Variants in AFF2 observed in about 807,000 individuals in gnomAD.
AFF2 encodes AF4/FMR2 family member 2.
In AFF2, 14 loss-of-function variants were observed where a neutral mutation model predicts 76.9. That is an observed-to-expected ratio of 0.18 (90% CI 0.12 to 0.28). The LOEUF (loss-of-function observed/expected upper bound fraction) is 0.28, where lower values mean the gene tolerates loss of function less well. Among genes scored for constraint, AFF2 ranks in the 10% least tolerant of loss-of-function variants. AFF2 has a pLI of 1.00. For synonymous variants in AFF2, 398 were observed against 366.7 expected, an observed-to-expected ratio of 1.09 and a Z score of -0.98; for missense variants, 868 against 1,001.1, an observed-to-expected ratio of 0.87 and a Z score of 1.79.
chrX:148,919,993 A>T (rs1557283020), intron 9 of AFF2, among the ~76,000 whole-genome samples: 1 of 111,787 alleles, frequency 8.9e-6, no homozygotes, highest in Non-Finnish European at 1.9e-5. Context: ...CCTTTGCTCT[A>T]TGTGGCTTCC....
At chrX:148,796,585 A>G (rs193266229) in intron 3 of AFF2, among the ~76,000 whole-genome samples, 66 of 112,090 alleles carry the variant, frequency 5.9e-4, no homozygotes, top group Admixed American at 1.0e-3. Context: ...AATTTCAATG[A>G]CTGTCTAGCG....
intron 3 of AFF2, among the ~76,000 whole-genome samples, chrX:148,805,372 C>T (rs995329064): frequency 9.0e-6 from 1 of 111,357 alleles, no homozygotes; most frequent in Non-Finnish European, 1.9e-5. Context: ...GAAAAAATGA[C>T]CTGTCTTCTC....
At chrX:148,600,354 C>T (rs1603254739) in intron 1 of AFF2, among the ~76,000 whole-genome samples, 2 of 111,564 alleles carry the variant, frequency 1.8e-5, no homozygotes, top group African/African-American at 3.3e-5. Context: ...TCAGAAAAGG[C>T]ATTGCTCCTC....
intron 20 of AFF2, among the ~76,000 whole-genome samples, chrX:148,987,760 C>T (rs988200255): frequency 9.0e-6 from 1 of 111,634 alleles, no homozygotes; most frequent in Non-Finnish European, 1.9e-5. Context: ...GGAATTTTGT[C>T]CTCCTTTAAA....
intron 1 of AFF2, among the ~76,000 whole-genome samples, chrX:148,552,905 C>T (rs1384600171): frequency 8.9e-6 from 1 of 111,782 alleles, no homozygotes; most frequent in African/African-American, 3.3e-5. Context: ...GTTAGGGCCC[C>T]AGCTCCATTC....
intron 1 of AFF2, among the ~76,000 whole-genome samples, chrX:148,615,873 G>A (rs1464050164): frequency 4.5e-5 from 5 of 111,260 alleles, no homozygotes; most frequent in Admixed American, 2.9e-4. Context: ...CCCAATCATG[G>A]AGATTTGTGA....
chrX:148,740,021 T>C lies in AFF2; in HGVS notation c.1042-69855T>C, dbSNP rs147901145. ...AGGGTTTCTGCTGAGAAATCTACTG[T>C]TAATCTGATAGATTTGCCTTCATAG... On this transcript the variant is annotated intron_variant, in intron 3 of 20. Coordinates refer to ENST00000370460, the MANE Select transcript of AFF2 (RefSeq NM_002025.4). Among the ~76,000 whole-genome samples the C allele has an allele frequency of 8.4e-3, 939 of 112,213 alleles. 9 individuals carry two copies. Among genetic ancestry groups the C allele is most frequent in the African/African-American group, 0.029 (888 of 30,868 alleles).
chrX:148,999,969 C>T lies in AFF2; in HGVS notation c.*8637C>T, dbSNP rs1293161350. 9.0e-6 allele frequency: 1 copy of T among 111,549 alleles called. No individual in the cohort carries two copies. The highest frequency in any genetic ancestry group is 1.9e-5 in the Non-Finnish European group (1 of 53,118). The allele number at this position is 111,549 out of a possible 1,213,427, so 9.2% of individuals were successfully genotyped here. The stretch of plus-strand genomic sequence containing the variant: ...AGCCCTCAGTGTTGAAGTTGACTTG[C>T]TCCAAGCTGCAGTCTAAAACCCTGG... On this transcript the variant is annotated 3_prime_UTR_variant, in exon 21 of 21. Transcript: ENST00000370460.
intron 3 of AFF2, among the ~76,000 whole-genome samples, chrX:148,757,518 T>C (rs1557266979): frequency 9.0e-6 from 1 of 111,426 alleles, no homozygotes; most frequent in East Asian, 2.8e-4. Context: ...GCTACTAGCA[T>C]GGTAGTTGGC....
intron 3 of AFF2, among the ~76,000 whole-genome samples, chrX:148,763,147 G>T (rs1557267455): frequency 8.9e-6 from 1 of 111,998 alleles, no homozygotes; most frequent in East Asian, 2.8e-4. Context: ...TAGGTTAAAG[G>T]TATCTAGACT....
intron 9 of AFF2, among the ~76,000 whole-genome samples, chrX:148,920,630 G>GCA (rs200279397): frequency 0.14 from 3,149 of 21,830 alleles, 101 homozygotes; most frequent in African/African-American, 0.26. Flanking sequence ...GCGTGTGTGT[G>GCA]CGCGTGTGTG....
chrX:148,928,443 C>T (rs1407234496), intron 9 of AFF2, among the ~76,000 whole-genome samples: 1 of 112,818 alleles, frequency 8.9e-6, no homozygotes, highest in Non-Finnish European at 1.9e-5. Flanking sequence ...CCAATAAAGT[C>T]TTTATTAACT....
intron 12 of AFF2, among the ~76,000 whole-genome samples, chrX:148,960,294 G>A (rs1273803949): frequency 1.8e-5 from 2 of 112,567 alleles, no homozygotes; most frequent in Non-Finnish European, 3.8e-5. Flanking sequence ...ACATGGGACT[G>A]TGCACTTGTG....
At chrX:148,905,209 C>T (rs1422364121) in intron 9 of AFF2, among the ~76,000 whole-genome samples, 1 of 112,256 alleles carries the variant, frequency 8.9e-6, no homozygotes, top group African/African-American at 3.2e-5. Context: ...TAGCATTTAG[C>T]ATACCATTAA....
At position 148,966,909 on chromosome X, in the gene AFF2, C is replaced by T. The variant is rs201632076; in HGVS notation, c.3033C>T (p.Thr1011=). The change falls in exon 14 of 21, where the codon ACC becomes ACT. Residue 1011 remains threonine, a synonymous_variant. Coordinates refer to ENST00000370460, the MANE Select transcript of AFF2 (RefSeq NM_002025.4). ...IVTTTVTATA[T]ATATTTTTTT... is the part of the protein sequence containing the mutation. ...CCACCACTGTCACAGCTACTGCCACCGCCACGGCCACCACCACAACTACTA... is the reference window on the plus strand; with the variant it reads ...CCACCACTGTCACAGCTACTGCCACTGCCACGGCCACCACCACAACTACTA... 8.0e-5 allele frequency: 97 copies of T among 1,208,826 alleles called. No individual in the cohort carries two copies. Among genetic ancestry groups the T allele is most frequent in the East Asian group, 1.5e-4 (5 of 33,698 alleles).
At chrX:148,545,516 C>T (rs1314099999) in intron 1 of AFF2, among the ~76,000 whole-genome samples, 1 of 111,004 alleles carries the variant, frequency 9.0e-6, no homozygotes, top group African/African-American at 3.3e-5. Context: ...CTTTTGTATC[C>T]CTTTTAGGTT....
Position 148,652,013 on chromosome X carries a change from A to G in AFF2, c.62A>G (p.Asp21Gly). 8.3e-7 allele frequency: 1 copy of G among 1,199,918 alleles called. No homozygotes were observed. Among genetic ancestry groups the G allele is most frequent in the South Asian group, 1.8e-5 (1 of 54,994 alleles). Reference protein sequence around the residue: ...DLEQQCHYEQDRSALKKREWE... With the variant: ...DLEQQCHYEQGRSALKKREWE... ...TTTCATATCAGTCACTATGAACAAG[A>G]CCGTAGTGCACTTAAAAAAAGGGAA... Residue 21 changes from aspartate (D) to glycine (G), a missense_variant, in exon 2 of 21, where the codon GAC becomes GGC. Around this residue, in one of 6 missense-constraint regions of AFF2, gnomAD observed 196 missense variants for 194.8 expected, o/e 1.01. Transcript: ENST00000370460.
intron 9 of AFF2, among the ~76,000 whole-genome samples, chrX:148,927,037 GA>G (rs1198433818): frequency 2.7e-5 from 3 of 112,280 alleles, no homozygotes; most frequent in Non-Finnish European, 3.8e-5. Context: ...GGTTTTTTAT[GA>G]ATTCTCATTA....
chrX:148,842,053 G>C (rs969551110), intron 5 of AFF2, among the ~76,000 whole-genome samples: 5 of 111,713 alleles, frequency 4.5e-5, no homozygotes, highest in Non-Finnish European at 9.4e-5. Flanking sequence ...ATCTACAGAG[G>C]GTCAATATTA....
Sources: gnomAD v4.1 joint callset for allele counts (sites outside exome capture counted in the v4.1 genomes callset) on GRCh38, gnomAD v4.1.1 for gene constraint, gnomAD v4.1.1 regional missense constraint, MANE v1.5 for transcripts, NCBI Gene and HGNC (gene_info 2026-07-23, HGNC 2026-07-21) for gene names.